Variants in IGSF10 observed in about 807,000 individuals in gnomAD.
IGSF10 encodes immunoglobulin superfamily member 10.
Under a neutral mutation model 128.2 loss-of-function variants are expected in IGSF10, and 126 were observed. The observed-to-expected ratio is 0.98, with a 90% CI of 0.85 to 1.14. IGSF10 has a LOEUF of 1.14. Ranked by LOEUF, IGSF10 falls within the 50% of genes most tolerant of loss-of-function variation. IGSF10 has a pLI of 0.00. For missense variants in IGSF10, 3,295 were observed against 3,149.8 expected (o/e 1.05, Z -1.10); for synonymous variants, 1,185 against 1,146.2 (o/e 1.03, Z -0.68).
chr3:151,558,005 A>AATATATATATATTATATATATATT, the IGSF10 span, among the ~76,000 whole-genome samples: 1 of 39,554 alleles, frequency 2.5e-5, no homozygotes, highest in East Asian at 6.1e-4. Flanking sequence ...AAGTATATAT[A>AATATATATATATTATATATATATT]ATATATATAT....
chr3:151,533,013 C>T, the IGSF10 span, among the ~76,000 whole-genome samples: 2 of 149,586 alleles, frequency 1.3e-5, no homozygotes, highest in African/African-American at 5.0e-5. Context: ...CATTCCTATA[C>T]ACCAATAGCA....
At chr3:151,476,523 G>A in the IGSF10 span, among the ~76,000 whole-genome samples, 2 of 152,212 alleles carry the variant, frequency 1.3e-5, no homozygotes, top group South Asian at 4.2e-4. Flanking sequence ...GTATCTTCCG[G>A]CCAGAGGAGG....
chr3:151,536,878 C>A, the IGSF10 span, among the ~76,000 whole-genome samples: 1 of 152,072 alleles, frequency 6.6e-6, no homozygotes, highest in East Asian at 1.9e-4. Flanking sequence ...AGGTGATAAA[C>A]CAGTCCTTTT....
At chr3:151,525,186 T>C in the IGSF10 span, among the ~76,000 whole-genome samples, 4 of 152,112 alleles carry the variant, frequency 2.6e-5, no homozygotes, top group East Asian at 7.8e-4. Flanking sequence ...CCACCCTGCC[T>C]GGCTCATTAT....
At position 151,453,761 on chromosome 3, in the gene IGSF10, C is replaced by T; in HGVS notation, c.338G>A (p.Ser113Asn). The change falls in exon 5 of 8, where the codon AGC (serine) becomes AAC (asparagine). Residue 113 changes from serine (S) to asparagine (N), a missense_variant. By Grantham distance (46) the Ser-to-Asn change is conservative. Transcript: ENST00000282466. ...CTGAAGTTTTCGGACTTTATTATAG[C>T]TCATTTTTAAGACCTATGAATTAAA... is the stretch of plus-strand genomic sequence containing the variant. ...DLQALQVLKM[S>N]YNKVRKLQKD... The T allele has an allele frequency of 1.3e-6, 2 of 1,538,758 alleles. No homozygotes were observed. The highest frequency in any genetic ancestry group is 1.8e-6 in the Non-Finnish European group (2 of 1,137,222).
chr3:151,455,245 G>A (rs963000468), intron 4 of IGSF10, among the ~76,000 whole-genome samples: 1 of 151,764 alleles, frequency 6.6e-6, no homozygotes, highest in African/African-American at 2.4e-5. Flanking sequence ...GAGTAACTGG[G>A]ATTACAGGCA....
At chr3:151,539,783 T>A in the IGSF10 span, among the ~76,000 whole-genome samples, 1 of 151,774 alleles carries the variant, frequency 6.6e-6, no homozygotes, top group Non-Finnish European at 1.5e-5. Context: ...TATCTATCTA[T>A]CTATCTATCT....
At chr3:151,617,320 C>CTTCTTCTTCTTCTTCTCCTCCT in the IGSF10 span, among the ~76,000 whole-genome samples, 7 of 83,626 alleles carry the variant, frequency 8.4e-5, no homozygotes, top group African/African-American at 3.1e-4. Flanking sequence ...CTTCTTCTTC[C>CTTCTTCTTCTTCTTCTCCTCCT]CCTCCTCCTC....
chr3:151,487,516 G>A, the IGSF10 span, among the ~76,000 whole-genome samples: 806 of 152,222 alleles, frequency 5.3e-3, 7 homozygotes, highest in African/African-American at 0.018. Context: ...AAACCTGGCA[G>A]AGACACAACA....
the IGSF10 span, among the ~76,000 whole-genome samples, chr3:151,524,871 T>C: frequency 2.0e-5 from 3 of 152,114 alleles, no homozygotes; most frequent in South Asian, 6.2e-4. Context: ...ATTTTGATTT[T>C]TTCCTTCTTT....
the IGSF10 span, among the ~76,000 whole-genome samples, chr3:151,552,979 A>G: frequency 6.6e-6 from 1 of 152,090 alleles, no homozygotes; most frequent in African/African-American, 2.4e-5. Context: ...CCAAGTGATG[A>G]CTCCAATACC....
chr3:151,481,755 C>T, the IGSF10 span, among the ~76,000 whole-genome samples: 2 of 152,150 alleles, frequency 1.3e-5, no homozygotes, highest in African/African-American at 2.4e-5. Context: ...CTATGACCCA[C>T]GGAAGACTCA....
chr3:151,566,791 G>A, the IGSF10 span, among the ~76,000 whole-genome samples: 4 of 152,182 alleles, frequency 2.6e-5, no homozygotes, highest in African/African-American at 2.4e-5. Context: ...CACAAGTCCT[G>A]TCACAATTTT....
chr3:151,616,118 C>T, the IGSF10 span, among the ~76,000 whole-genome samples: 3 of 151,934 alleles, frequency 2.0e-5, no homozygotes, highest in African/African-American at 7.3e-5. Flanking sequence ...GCATGCGCCA[C>T]CACACCCAGC....
chr3:151,497,261 C>A, the IGSF10 span, among the ~76,000 whole-genome samples: 5 of 152,304 alleles, frequency 3.3e-5, no homozygotes, highest in South Asian at 1.0e-3. Context: ...ATGCCTATGT[C>A]CTGAATGGTA....
chr3:151,432,893 CT>C (rs1553823948), downstream of IGSF10: 21 of 946,650 alleles, frequency 2.2e-5, no homozygotes, highest in East Asian at 8.4e-5. Context: ...AAAAATGTCC[CT>C]TTTTTTCATT....
chr3:151,518,247 A>C, the IGSF10 span, among the ~76,000 whole-genome samples: 6 of 152,000 alleles, frequency 3.9e-5, no homozygotes, highest in African/African-American at 1.4e-4. Context: ...TTCAAATAAG[A>C]AAAATGTCAA....
chr3:151,576,737 G>C, the IGSF10 span, among the ~76,000 whole-genome samples: 1 of 152,120 alleles, frequency 6.6e-6, no homozygotes. Flanking sequence ...AGTACCACGA[G>C]AGTTTACAAA....
chr3:151,543,897 A>G, the IGSF10 span, among the ~76,000 whole-genome samples: 1 of 152,054 alleles, frequency 6.6e-6, no homozygotes, highest in Non-Finnish European at 1.5e-5. Flanking sequence ...TAAGTGCTCA[A>G]ACAGATCTGT....
Sources: allele counts gnomAD v4.1 joint callset (sites outside exome capture counted in the v4.1 genomes callset), GRCh38; gene constraint gnomAD v4.1.1; transcripts MANE v1.5; gene names NCBI Gene and HGNC (gene_info 2026-07-23, HGNC 2026-07-21).